Variants in PSD4 observed in about 807,000 individuals in gnomAD.
PSD4 encodes the protein PH and SEC7 domain-containing protein 4.
Under a neutral mutation model 112.5 loss-of-function variants are expected in PSD4, and 59 were observed. The observed-to-expected ratio is 0.52, with a 90% CI of 0.43 to 0.65. The LOEUF (loss-of-function observed/expected upper bound fraction) is 0.65, where lower values mean the gene tolerates loss of function less well. Among genes scored for constraint, PSD4 ranks in the 30% least tolerant of loss-of-function variants. The probability of loss-of-function intolerance (pLI) is 0.00; values close to 1 mark genes in which losing one functional copy is unlikely to be tolerated. For synonymous variants in PSD4, 533 were observed against 540.0 expected (o/e 0.99, Z 0.18); for missense variants, 1,267 against 1,352.6 (o/e 0.94, Z 0.99).
chr2:113,183,152 C>T lies in PSD4; in HGVS notation c.696C>T (p.Asp232=). The part of the protein sequence containing the change: ...GQAWLREGTP[D]SSPQWGAEEE... Reference sequence around the variant, plus strand: ...CATGGCTGAGAGAGGGAACCCCAGACTCTTCCCCACAGTGGGGAGCTGAGG... The same window carrying T: ...CATGGCTGAGAGAGGGAACCCCAGATTCTTCCCCACAGTGGGGAGCTGAGG... The change falls in exon 2 of 17, where the codon GAC becomes GAT. Residue 232 remains aspartate (D), a synonymous_variant. Transcript: ENST00000245796. The T allele has an allele frequency of 6.2e-7, 1 of 1,614,188 alleles. No individual in the cohort carries two copies. The highest frequency in any genetic ancestry group is 8.5e-7 in the Non-Finnish European group (1 of 1,180,028).
intron 1 of PSD4, among the ~76,000 whole-genome samples, chr2:113,177,196 G>A (rs1427959985): frequency 6.6e-6 from 1 of 152,220 alleles, no homozygotes; most frequent in African/African-American, 2.4e-5. Flanking sequence ...CTGGAGAGGG[G>A]AGGATGAGGT....
At chr2:113,195,132 G>A (rs1688561974) in intron 10 of PSD4, among the ~76,000 whole-genome samples, 1 of 151,330 alleles carries the variant, frequency 6.6e-6, no homozygotes, top group Non-Finnish European at 1.5e-5. Context: ...GTAAGCATGG[G>A]CAGGACAGGG....
In PSD4 at chr2:113,197,853, A is replaced by G; in HGVS notation, c.2564A>G (p.Lys855Arg). The G allele has an allele frequency of 6.2e-7, 1 of 1,609,832 alleles. No individual in the cohort carries two copies. Among genetic ancestry groups the G allele is most frequent in the African/African-American group, 1.3e-5 (1 of 74,932 alleles). ...GCCACCCCCGCCACGCATTACACCAAGAAGCCGCACGTCTTCCAGCTGCGC... is the reference window on the plus strand; with the variant it reads ...GCCACCCCCGCCACGCATTACACCAGGAAGCCGCACGTCTTCCAGCTGCGC... The part of the protein sequence containing the change: ...SLATPATHYT[K>R]KPHVFQLRTA... Residue 855 changes from lysine to arginine, a missense_variant, in exon 14 of 17, where the codon AAG (lysine) becomes AGG (arginine). Transcript: ENST00000245796.
intron 10 of PSD4, 117 bp from the exon 11 acceptor site, chr2:113,195,610 G>A (rs1232568579): frequency 3.9e-6 from 4 of 1,014,200 alleles, no homozygotes; most frequent in Non-Finnish European, 6.1e-6. Context: ...GGGCACCTAT[G>A]TTGTGGGTGG....
rs1688186455 is a variant in PSD4 at position 113,182,917 on chromosome 2, T to C, written c.461T>C (p.Val154Ala). Residue 154 changes from valine to alanine, a missense_variant, in exon 2 of 17, where the codon GTA (valine) becomes GCA (alanine). By Grantham distance (64) the Val-to-Ala change is moderately conservative. Transcript: ENST00000245796. ...CAGAACCGGAGCACGTCCACACAGG[T>C]AGTGTTCTGGGCAGGCATCCTGCAG... ...PKQNRSTSTQ[V>A]VFWAGILQAQ... 6.2e-7 allele frequency: 1 copy of C among 1,613,864 alleles called. No homozygotes were observed. Among genetic ancestry groups the C allele is most frequent in the African/African-American group, 1.3e-5 (1 of 74,866 alleles).
rs1688373968 is a variant in PSD4 at position 113,188,819 on chromosome 2, T to C, written c.1628+2564T>C. Among the ~76,000 whole-genome samples the C allele has an allele frequency of 3.9e-5, 6 of 152,104 alleles. No individual in the cohort carries two copies. In the South Asian group the frequency reaches 1.2e-3, roughly 32 times the overall value. On this transcript the variant is annotated intron_variant, in intron 5 of 16. Transcript: ENST00000245796. ...TCCTGACCTCGTGATCTGCCCGCCT[T>C]GGCCTCCTAAAGTGCTGGGATTATA...
At chr2:113,176,607 G>A (rs997781701) in intron 1 of PSD4, among the ~76,000 whole-genome samples, 2 of 152,214 alleles carry the variant, frequency 1.3e-5, no homozygotes, top group African/African-American at 2.4e-5. Context: ...CCACTTTAAT[G>A]TAGAGGTAAC....
At chr2:113,185,850 C>A in intron 4 of PSD4, 27 bp from the exon 5 acceptor site, 1 of 1,596,458 alleles carries the variant, frequency 6.3e-7, no homozygotes, top group Non-Finnish European at 8.5e-7. Context: ...CTGCCCTGTG[C>A]CCGCCTCACT....
chr2:113,201,250 G>A lies in PSD4; in HGVS notation c.3006G>A (p.Arg1002=), dbSNP rs1256395589. Residue 1002 remains arginine (R), a synonymous_variant, in exon 17 of 17, where the codon AGG becomes AGA. Transcript: ENST00000245796. ...ACCTGTGGGAGGAGCAGCTGGGGAGGGAAGCTGGAGGCACTCGGGAGCCCA... is the reference window on the plus strand; with the variant it reads ...ACCTGTGGGAGGAGCAGCTGGGGAGAGAAGCTGGAGGCACTCGGGAGCCCA... The part of the protein sequence containing the change: ...ALDLWEEQLG[R]EAGGTREPKL... 1.9e-6 allele frequency: 3 copies of A among 1,614,058 alleles called. No individual in the cohort carries two copies. The highest frequency in any genetic ancestry group is 2.5e-6 in the Non-Finnish European group (3 of 1,180,048).
chr2:113,183,782 C>G (rs1688217965), intron 2 of PSD4, among the ~76,000 whole-genome samples: 1 of 152,162 alleles, frequency 6.6e-6, no homozygotes, highest in East Asian at 1.9e-4. Context: ...TCCAAGGGGC[C>G]ATGCCTAGAT....
rs1688789623 is a variant in PSD4 at position 113,202,007 on chromosome 2, G to GA, written c.*593dup. 2.6e-5 allele frequency: 4 copies of GA among 153,740 alleles called. No individual in the cohort carries two copies. Among genetic ancestry groups the GA allele is most frequent in the Non-Finnish European group, 5.8e-5 (4 of 69,200 alleles). The allele number at this position is 153,740 out of a possible 1,614,324, so 9.5% of individuals were successfully genotyped here. Reference sequence around the variant, plus strand: ...CAGGGTCGCTAAGGTCCTGCCCACTGAGGGGACAGCCTTCTGGGCAGGGAC... The same window carrying GA: ...CAGGGTCGCTAAGGTCCTGCCCACTGAAGGGGACAGCCTTCTGGGCAGGGAC... On this transcript the variant is annotated 3_prime_UTR_variant, in exon 17 of 17. Coordinates refer to ENST00000245796, the MANE Select transcript of PSD4 (RefSeq NM_012455.3).
In PSD4 at chr2:113,192,503, C is replaced by G. The variant is rs1298408121; in HGVS notation, c.1752C>G (p.Asn584Lys). Residue 584 changes from asparagine (N) to lysine (K), a missense_variant, in exon 6 of 17, where the codon AAC becomes AAG. This residue lies in a region of PSD4 where 544 missense variants were observed against 648.6 expected (regional missense o/e 0.84). Coordinates refer to ENST00000245796, the MANE Select transcript of PSD4 (RefSeq NM_012455.3). ...ACAAGCTAGCTAATGGCGTCAGGAA[C>G]AACAAGGTAGCCTGGAACTTGGCCT... ...AGDKLANGVR[N>K]NKVAWNLASR... 2 of 1,614,248 alleles carry G rather than the reference C, an allele frequency of 1.2e-6. No individual in the cohort carries two copies. The highest frequency in any genetic ancestry group is 2.2e-5 in the South Asian group (2 of 91,090).
intron 1 of PSD4, among the ~76,000 whole-genome samples, chr2:113,180,896 G>A (rs1688114614): frequency 6.6e-6 from 1 of 152,092 alleles, no homozygotes. Flanking sequence ...AAATCTGTGA[G>A]TGAAGAAAAT....
chr2:113,186,846 G>C (rs1573361664), intron 5 of PSD4, among the ~76,000 whole-genome samples: 2 of 152,340 alleles, frequency 1.3e-5, no homozygotes, highest in South Asian at 4.1e-4. Flanking sequence ...AACCAACCTA[G>C]ATGTCCACTT....
At chr2:113,197,289 G>C (rs541954422) in intron 12 of PSD4, 2 of 490,042 alleles carry the variant, frequency 4.1e-6, no homozygotes, top group East Asian at 7.6e-5. Context: ...TTTGGAGTTG[G>C]AGAGAAGATG....
intron 1 of PSD4, among the ~76,000 whole-genome samples, chr2:113,178,551 C>T (rs988119706): frequency 1.3e-5 from 2 of 151,828 alleles, no homozygotes; most frequent in African/African-American, 4.8e-5. Context: ...TGTACATATA[C>T]ATATCTATTT....
chr2:113,185,782 G>A, intron 4 of PSD4, 95 bp from the exon 5 acceptor site: 1 of 1,551,800 alleles, frequency 6.4e-7, no homozygotes. Context: ...CAGGCTCCAG[G>A]GGAGGAGCCC....
intron 9 of PSD4, 25 bp from the exon 10 acceptor site, chr2:113,193,834 T>TCATCC (rs756628218): frequency 1.2e-6 from 2 of 1,609,434 alleles, no homozygotes; most frequent in Non-Finnish European, 1.7e-6. Context: ...TGTGCTCGAG[T>TCATCC]CATCCCACTT....
intron 14 of PSD4, 80 bp downstream of exon 14, chr2:113,197,993 G>A (rs1483210575): frequency 1.4e-6 from 2 of 1,405,518 alleles, no homozygotes; most frequent in East Asian, 5.1e-5. Flanking sequence ...TGACACCTGA[G>A]GCTTGTGGGC....
Sources: allele counts gnomAD v4.1 joint callset (sites outside exome capture counted in the v4.1 genomes callset), GRCh38; gene constraint gnomAD v4.1.1; regional missense constraint gnomAD v4.1.1; transcripts MANE v1.5; gene names NCBI Gene and HGNC (gene_info 2026-07-23, HGNC 2026-07-21).